The following CA10 variants were observed in gnomAD, a reference collection of about 807,000 sequenced individuals.
CA10 encodes carbonic anhydrase-related protein 10.
Under a neutral mutation model 44.2 loss-of-function variants are expected in CA10, and 14 were observed. That is an observed-to-expected ratio of 0.32 (90% confidence interval 0.21 to 0.50). CA10 has a LOEUF of 0.50. Ranked by LOEUF, CA10 falls within the 20% of genes least tolerant of loss-of-function variation. The pLI is 0.99. For synonymous variants in CA10, 159 were observed against 141.6 expected, an observed-to-expected ratio of 1.12 and a Z score of -0.87; for missense variants, 350 against 409.7, an observed-to-expected ratio of 0.85 and a Z score of 1.26.
intron 1 of CA10, among the ~76,000 whole-genome samples, chr17:52,148,975 G>A (rs1002023099): frequency 6.6e-6 from 1 of 152,192 alleles, no homozygotes; most frequent in African/African-American, 2.4e-5. Context: ...AGAATCCTCT[G>A]AGGTATTTAT....
chr17:51,817,180 T>G (rs868046759), intron 3 of CA10, among the ~76,000 whole-genome samples: 1 of 151,662 alleles, frequency 6.6e-6, no homozygotes, highest in South Asian at 2.1e-4. Context: ...AGATGAAGGG[T>G]TTTTTATGGA....
intron 3 of CA10, among the ~76,000 whole-genome samples, chr17:51,845,843 T>C (rs1978470873): frequency 6.6e-6 from 1 of 152,228 alleles, no homozygotes; most frequent in African/African-American, 2.4e-5. Context: ...ATGAGTTTTA[T>C]TAGTTTTATT....
intron 4 of CA10, among the ~76,000 whole-genome samples, chr17:51,659,046 G>A (rs1439316156): frequency 6.6e-6 from 1 of 152,178 alleles, no homozygotes; most frequent in East Asian, 1.9e-4. Context: ...ACTGGGCAAA[G>A]GGATGCCCAG....
chr17:51,725,507 G>C (rs1916485521), intron 4 of CA10, among the ~76,000 whole-genome samples: 1 of 152,172 alleles, frequency 6.6e-6, no homozygotes, highest in African/African-American at 2.4e-5. Flanking sequence ...TCTGTGGCAG[G>C]GCCAGCAGTG....
chr17:52,050,094 A>G (rs571664896), intron 2 of CA10, among the ~76,000 whole-genome samples: 36 of 152,152 alleles, frequency 2.4e-4, no homozygotes, highest in African/African-American at 8.4e-4. Context: ...ATAGTCTAGC[A>G]CATTTCTCAG....
At chr17:51,740,669 C>T (rs1904420120) in intron 4 of CA10, among the ~76,000 whole-genome samples, 1 of 152,216 alleles carries the variant, frequency 6.6e-6, no homozygotes, top group South Asian at 2.1e-4. Context: ...CCTGCTCTGA[C>T]CTCTCCGACC....
intron 4 of CA10, among the ~76,000 whole-genome samples, chr17:51,689,454 T>C (rs753502121): frequency 5.6e-4 from 85 of 152,342 alleles, no homozygotes; most frequent in Admixed American, 3.2e-3. Flanking sequence ...GAATATGTGA[T>C]GGAATATCAT....
intron 1 of CA10, among the ~76,000 whole-genome samples, chr17:52,129,199 G>T (rs753734513): frequency 6.6e-6 from 1 of 152,072 alleles, no homozygotes; most frequent in African/African-American, 2.4e-5. Context: ...ATTAACTTCT[G>T]ATATTCATCA....
intron 4 of CA10, among the ~76,000 whole-genome samples, chr17:51,744,725 C>T (rs1347696171): frequency 1.3e-5 from 2 of 152,192 alleles, no homozygotes; most frequent in Admixed American, 1.3e-4. Context: ...ACATATGCAG[C>T]TGAATTCCAT....
At chr17:51,941,460 G>C (rs1185130553) in intron 2 of CA10, among the ~76,000 whole-genome samples, 1 of 152,116 alleles carries the variant, frequency 6.6e-6, no homozygotes, top group South Asian at 2.1e-4. Context: ...TGTAATTACA[G>C]GTGCTTCAGA....
intron 4 of CA10, among the ~76,000 whole-genome samples, chr17:51,674,337 G>GA (rs1158089224): frequency 6.6e-6 from 1 of 152,046 alleles, no homozygotes; most frequent in East Asian, 1.9e-4. Flanking sequence ...TCTTACTTAG[G>GA]AAAAAAATTA....
chr17:51,949,903 T>C (rs918212573), intron 2 of CA10, among the ~76,000 whole-genome samples: 1 of 152,116 alleles, frequency 6.6e-6, no homozygotes, highest in African/African-American at 2.4e-5. Context: ...GTTGCAAAAA[T>C]TTTGGATAGT....
chr17:51,909,823 T>C (rs1016059659), intron 3 of CA10, among the ~76,000 whole-genome samples: 1 of 152,144 alleles, frequency 6.6e-6, no homozygotes, highest in Non-Finnish European at 1.5e-5. Context: ...GTAACAAGAA[T>C]GTCGAGAAAG....
rs113468654 is a variant in CA10, at chr17:51,951,978, G to A, written c.137-20846C>T. ...TAGTGGCATGAGTAAGAGTTTTCTCGTGTGGTTTTGAGTTTCTTGAGCTGT... is the reference window on the plus strand; with the variant it reads ...TAGTGGCATGAGTAAGAGTTTTCTCATGTGGTTTTGAGTTTCTTGAGCTGT... On this transcript the variant is annotated intron_variant, in intron 2 of 8. Coordinates refer to ENST00000451037, the MANE Select transcript of CA10 (RefSeq NM_020178.5). Among the ~76,000 whole-genome samples the A allele has an allele frequency of 5.9e-3, 899 of 152,222 alleles. 6 individuals carry two copies. Among genetic ancestry groups the A allele is most frequent in the African/African-American group, 0.02 (831 of 41,536 alleles).
chr17:51,938,488 A>G (rs1251981084), intron 2 of CA10, among the ~76,000 whole-genome samples: 1 of 152,116 alleles, frequency 6.6e-6, no homozygotes, highest in East Asian at 1.9e-4. Flanking sequence ...TCAATGAGCC[A>G]TGTGCATTTA....
chr17:51,720,049 G>A (rs113769446), intron 4 of CA10, among the ~76,000 whole-genome samples: 4 of 152,242 alleles, frequency 2.6e-5, no homozygotes, highest in African/African-American at 9.6e-5. Flanking sequence ...ATAATACTAA[G>A]AGTAATAATA....
intron 4 of CA10, among the ~76,000 whole-genome samples, chr17:51,713,083 T>C (rs752586424): frequency 3.3e-5 from 5 of 152,098 alleles, no homozygotes; most frequent in Admixed American, 6.5e-5. Context: ...AAATTGGAGG[T>C]GAGGTTTTCA....
At position 51,802,295 on chromosome 17, in the gene CA10, T is replaced by A. The variant is rs577460424; in HGVS notation, c.280-54477A>T. On this transcript the variant is annotated intron_variant, in intron 3 of 8. Transcript: ENST00000451037. ...GTTTCCATCCTGGTTCTGTTTTTCA[T>A]CACATGATAGTGGAGCAATTTATGT... is the stretch of plus-strand genomic sequence containing the variant. 2.0e-5 allele frequency among the ~76,000 whole-genome samples: 3 copies of A among 152,310 alleles called. No individual in the cohort carries two copies. The East Asian group carries it at 5.8e-4, about 29-fold the overall frequency.
chr17:51,987,680 C>A (rs1267788501), intron 2 of CA10, among the ~76,000 whole-genome samples: 1 of 151,878 alleles, frequency 6.6e-6, no homozygotes, highest in Non-Finnish European at 1.5e-5. Context: ...GATCTGACTA[C>A]CAAATCTGAT....
Sources: gnomAD v4.1 joint callset for allele counts (sites outside exome capture counted in the v4.1 genomes callset) on GRCh38, gnomAD v4.1.1 for gene constraint, MANE v1.5 for transcripts, NCBI Gene and HGNC (gene_info 2026-07-23, HGNC 2026-07-21) for gene names.